The following ROBO1 variants were observed in gnomAD, a reference collection of about 807,000 sequenced individuals.
ROBO1 encodes roundabout homolog 1.
ROBO1 carries 149 observed loss-of-function variants against 195.9 expected under a neutral mutation model. The observed-to-expected ratio is 0.76, with a 90% CI of 0.67 to 0.87. ROBO1 has a LOEUF of 0.87. Ranked by LOEUF, ROBO1 falls within the 40% of genes least tolerant of loss-of-function variation. The pLI is 0.00. For missense variants in ROBO1, 1,933 were observed against 2,068.3 expected, an observed-to-expected ratio of 0.93 and a Z score of 1.27; for synonymous variants, 816 against 733.2, an observed-to-expected ratio of 1.11 and a Z score of -1.82.
At chr3:78,624,605 A>G (rs1704646742) in intron 26 of ROBO1, among the ~76,000 whole-genome samples, 1 of 152,178 alleles carries the variant, frequency 6.6e-6, no homozygotes. Context: ...ATTCCATAGT[A>G]TCCGATTCCA....
intron 1 of ROBO1, among the ~76,000 whole-genome samples, chr3:79,702,883 T>G (rs1427585856): frequency 2.0e-5 from 3 of 151,968 alleles, no homozygotes; most frequent in Admixed American, 6.6e-5. Flanking sequence ...CTGAGTCTGC[T>G]CTTAATCCTA....
At chr3:79,569,785 T>C (rs7627338) in intron 2 of ROBO1, among the ~76,000 whole-genome samples, 22,449 of 151,728 alleles carry the variant, frequency 0.15, 2,135 homozygotes, top group African/African-American at 0.26. Flanking sequence ...ACCAAAATGC[T>C]TTGAGGTAAA....
At chr3:78,916,115 G>C (rs1233127235) in intron 4 of ROBO1, among the ~76,000 whole-genome samples, 1 of 151,832 alleles carries the variant, frequency 6.6e-6, no homozygotes, top group South Asian at 2.1e-4. Flanking sequence ...GCCGGGTGTG[G>C]TGGCGGCGCC....
At chr3:78,886,070 T>C (rs896138824) in intron 4 of ROBO1, among the ~76,000 whole-genome samples, 2 of 151,342 alleles carry the variant, frequency 1.3e-5, no homozygotes, top group African/African-American at 4.8e-5. Context: ...TTTAGCTTTG[T>C]TTATAAAAAA....
At chr3:78,849,343 C>T (rs1394450166) in intron 4 of ROBO1, among the ~76,000 whole-genome samples, 5 of 152,022 alleles carry the variant, frequency 3.3e-5, no homozygotes, top group African/African-American at 7.2e-5. Context: ...GCAGAAACCT[C>T]GGTATTTTGG....
intron 5 of ROBO1, among the ~76,000 whole-genome samples, chr3:78,743,284 T>C (rs2082576263): frequency 6.6e-6 from 1 of 152,108 alleles, no homozygotes; most frequent in East Asian, 1.9e-4. Context: ...AGGTCATTTA[T>C]GACTGCTTAC....
At chr3:79,311,566 CAT>C (rs1336098665) in intron 2 of ROBO1, among the ~76,000 whole-genome samples, 1 of 152,046 alleles carries the variant, frequency 6.6e-6, no homozygotes, top group African/African-American at 2.4e-5. Flanking sequence ...GGTAAGAAGA[CAT>C]AGAGATCTAG....
At chr3:79,157,940 G>A (rs968692629) in intron 2 of ROBO1, among the ~76,000 whole-genome samples, 1 of 151,728 alleles carries the variant, frequency 6.6e-6, no homozygotes, top group African/African-American at 2.4e-5. Context: ...TTTTATAGTG[G>A]TCCATCATAT....
intron 2 of ROBO1, among the ~76,000 whole-genome samples, chr3:79,349,605 T>G (rs560034090): frequency 2.2e-4 from 33 of 152,288 alleles, no homozygotes; most frequent in African/African-American, 6.7e-4. Context: ...ACAGTGTGAT[T>G]CTGACATAGG....
chr3:78,822,130 TG>T (rs957374964), intron 4 of ROBO1, among the ~76,000 whole-genome samples: 2 of 144,046 alleles, frequency 1.4e-5, no homozygotes, highest in African/African-American at 5.2e-5. Context: ...AAATGTACGG[TG>T]TTGGTTCAGG....
At chr3:79,579,427 G>A (rs66466409) in intron 2 of ROBO1, among the ~76,000 whole-genome samples, 1 of 152,108 alleles carries the variant, frequency 6.6e-6, no homozygotes, top group African/African-American at 2.4e-5. Context: ...GTAGAAGAAA[G>A]TGTCTATTTC....
chr3:78,879,924 T>C (rs2036082380), intron 4 of ROBO1, among the ~76,000 whole-genome samples: 2 of 152,154 alleles, frequency 1.3e-5, no homozygotes, highest in Non-Finnish European at 2.9e-5. Context: ...TTGATACCAA[T>C]AATAGAAAAA....
chr3:79,583,659 TA>T (rs1560014404), intron 2 of ROBO1, among the ~76,000 whole-genome samples: 1 of 151,982 alleles, frequency 6.6e-6, no homozygotes. Context: ...TAGCATAAAT[TA>T]AGAGACATTT....
At chr3:79,337,572 T>C (rs1459790603) in intron 2 of ROBO1, among the ~76,000 whole-genome samples, 6 of 152,186 alleles carry the variant, frequency 3.9e-5, no homozygotes, top group Non-Finnish European at 8.8e-5. Context: ...TTAAACCTCT[T>C]TCCTTTTGAA....
intron 2 of ROBO1, among the ~76,000 whole-genome samples, chr3:79,345,396 A>G (rs1322580133): frequency 6.6e-6 from 1 of 152,112 alleles, no homozygotes; most frequent in African/African-American, 2.4e-5. Context: ...TCAGTGAGGA[A>G]TCTGACAGCT....
In ROBO1 at chr3:78,663,776, T is replaced by C. The variant is rs186450940; in HGVS notation, c.1967-1662A>G. On this transcript the variant is annotated intron_variant, in intron 14 of 30. Transcript: ENST00000464233. ...AGTATATAGCATAGTGCCATATACA[T>C]AGGTGTTGCTTAATAAACATAGGTT... is the stretch of plus-strand genomic sequence containing the variant. 2.0e-5 allele frequency among the ~76,000 whole-genome samples: 3 copies of C among 152,298 alleles called. No homozygotes were observed. The East Asian group carries it at 5.8e-4, about 29-fold the overall frequency.
At chr3:78,953,060 T>C (rs1410354063) in intron 3 of ROBO1, among the ~76,000 whole-genome samples, 7 of 152,024 alleles carry the variant, frequency 4.6e-5, no homozygotes, top group African/African-American at 1.7e-4. Flanking sequence ...ATGAAAAAGA[T>C]TGGCAGTAGC....
chr3:78,750,610 G>T (rs545595420), intron 4 of ROBO1, among the ~76,000 whole-genome samples: 1 of 151,950 alleles, frequency 6.6e-6, no homozygotes, highest in East Asian at 1.9e-4. Context: ...AAGTAAACAC[G>T]TTTTCAGAAA....
chr3:79,593,412 T>C (rs1011009279), intron 1 of ROBO1, among the ~76,000 whole-genome samples: 16 of 152,058 alleles, frequency 1.1e-4, no homozygotes, highest in Admixed American at 3.9e-4. Flanking sequence ...ACATCCTTGC[T>C]AGCAGCTGGT....
Sources: gnomAD v4.1 joint callset for allele counts (sites outside exome capture counted in the v4.1 genomes callset) on GRCh38, gnomAD v4.1.1 for gene constraint, MANE v1.5 for transcripts, NCBI Gene and HGNC (gene_info 2026-07-23, HGNC 2026-07-21) for gene names.